Variants in FBXW10 observed in about 807,000 individuals in gnomAD.
The protein encoded by FBXW10 is F-box/WD repeat-containing protein 10.
Under a neutral mutation model 113.1 loss-of-function variants are expected in FBXW10, and 68 were observed. The observed-to-expected ratio is 0.60, with a 90% confidence interval of 0.49 to 0.74. FBXW10 has a LOEUF of 0.74. FBXW10 is among the 30% of genes least tolerant of loss of function. The pLI, the probability that FBXW10 is intolerant of heterozygous loss-of-function variation, is 0.00. For missense variants in FBXW10, 753 were observed against 1,284.5 expected (o/e 0.59, Z 6.32); for synonymous variants, 289 against 481.6 (o/e 0.60, Z 5.24).
At chr17:18,774,981 A>G (rs1417273874) in intron 12 of FBXW10, among the ~76,000 whole-genome samples, 155 bp from the exon 13 acceptor site, 6 of 152,346 alleles carry the variant, frequency 3.9e-5, no homozygotes, top group African/African-American at 1.4e-4. Flanking sequence ...CATGTACTCC[A>G]TAATTATGTA....
chr17:18,767,129 G>A (rs1310467813), intron 9 of FBXW10, among the ~76,000 whole-genome samples: 1 of 152,034 alleles, frequency 6.6e-6, no homozygotes, highest in Non-Finnish European at 1.5e-5. Flanking sequence ...ATGGGCTCAG[G>A]GCCTTCTAAC....
At chr17:18,760,863 C>T (rs1301058173) in intron 7 of FBXW10, among the ~76,000 whole-genome samples, 5 of 150,588 alleles carry the variant, frequency 3.3e-5, no homozygotes, top group African/African-American at 1.2e-4. Flanking sequence ...TGTGATTCTT[C>T]CCTCTTCTAG....
intron 11 of FBXW10, 66 bp downstream of exon 11, chr17:18,770,151 C>T: frequency 6.2e-7 from 1 of 1,603,404 alleles, no homozygotes; most frequent in Middle Eastern, 1.7e-4. Context: ...TTTTTTCCTC[C>T]CCTGGGATAC....
intron 13 of FBXW10, among the ~76,000 whole-genome samples, chr17:18,776,353 T>C (rs2035699098): frequency 6.6e-6 from 1 of 152,112 alleles, no homozygotes; most frequent in Non-Finnish European, 1.5e-5. Flanking sequence ...ACATCATGAC[T>C]CATGACTGGG....
chr17:18,767,862 C>A (rs1176217850), intron 9 of FBXW10, among the ~76,000 whole-genome samples: 1 of 152,136 alleles, frequency 6.6e-6, no homozygotes, highest in African/African-American at 2.4e-5. Context: ...CTGGCCCTCT[C>A]TAGTGCTCCA....
At chr17:18,751,533 C>T (rs2035172097) in intron 5 of FBXW10, among the ~76,000 whole-genome samples, 1 of 152,056 alleles carries the variant, frequency 6.6e-6, no homozygotes, top group African/African-American at 2.4e-5. Context: ...CTCAGCCCGA[C>T]ACTTCCTCTT....
rs931287502 is a variant in FBXW10, at chr17:18,748,004, C to T, written c.569C>T (p.Ala190Val). Residue 190 changes from alanine (A) to valine (V), a missense_variant, in exon 2 of 14, where the codon GCG (alanine) becomes GTG (valine). Physicochemically the swap from Ala to Val is moderately conservative, Grantham distance 64 (BLOSUM62 0). Transcript: ENST00000395665. The stretch of plus-strand genomic sequence containing the variant: ...GAGAAAGACCACAGCTCCAAGTCTG[C>T]GACCTCACAAGTCTATTGGACAGCC... ...SPEKDHSSKS[A>V]TSQVYWTAKT... 7 of 1,613,868 alleles carry T rather than the reference C, an allele frequency of 4.3e-6. No individual in the cohort carries two copies. Among genetic ancestry groups the T allele is most frequent in the Middle Eastern group, 1.7e-4 (1 of 6,056 alleles).
intron 12 of FBXW10, among the ~76,000 whole-genome samples, chr17:18,774,289 C>T (rs2035664849): frequency 6.6e-6 from 1 of 152,224 alleles, no homozygotes; most frequent in African/African-American, 2.4e-5. Context: ...AGGAAAACAG[C>T]TGCGCTATGT....
Position 18,768,563 on chromosome 17 carries a change from A to G in FBXW10, c.1734A>G (p.Lys578=), listed in dbSNP as rs1218249705. ...KTLSGHEGAV[K]CLFFDQWHLL... ...TCAGTGGCCATGAGGGAGCCGTGAA[A>G]TGCCTGTTCTTTGACCAGTGGCATC... The change falls in exon 10 of 14, where the codon AAA becomes AAG. Residue 578 remains lysine (K), a synonymous_variant. Transcript: ENST00000395665. 6.2e-7 allele frequency: 1 copy of G among 1,614,032 alleles called. No individual in the cohort carries two copies. The highest frequency in any genetic ancestry group is 1.3e-5 in the African/African-American group (1 of 75,004).
In FBXW10 at chr17:18,758,501, A is replaced by G. The variant is rs781083979; in HGVS notation, c.1429A>G (p.Ile477Val). 2.4e-5 allele frequency: 39 copies of G among 1,613,424 alleles called. 1 individual carries two copies. Among genetic ancestry groups the G allele is most frequent in the Non-Finnish European group, 6.8e-6 (8 of 1,179,774 alleles). ...FLLSGSYDLS[I>V]RYWDLKSGVC... Reference sequence around the variant, plus strand: ...CCTAAGCGGGAGCTATGACCTAAGTATCAGGTGAGGAGTCCAAAGGCATCA... The same window carrying G: ...CCTAAGCGGGAGCTATGACCTAAGTGTCAGGTGAGGAGTCCAAAGGCATCA... The change falls in exon 7 of 14, where the codon ATC becomes GTC. Residue 477 changes from isoleucine to valine, a missense_variant. By Grantham distance (29) the Ile-to-Val change is conservative (BLOSUM62 3). Coordinates refer to ENST00000395665, the MANE Select transcript of FBXW10 (RefSeq NM_001267585.2).
chr17:18,763,686 TAAAAAA>T (rs1229941129), intron 7 of FBXW10, among the ~76,000 whole-genome samples: 1 of 152,160 alleles, frequency 6.6e-6, no homozygotes, highest in Non-Finnish European at 1.5e-5. Context: ...GTGTTCTTGT[TAAAAAA>T]CAGATAATTC....
intron 5 of FBXW10, 75 bp downstream of exon 5, chr17:18,751,128 A>T: frequency 1.3e-6 from 2 of 1,591,798 alleles, no homozygotes; most frequent in Non-Finnish European, 1.7e-6. Context: ...TGAGGTCCAG[A>T]CTCAGCCCTG....
In FBXW10 at chr17:18,764,734, T is replaced by A; in HGVS notation, c.1434-8T>A. On this transcript the variant is annotated splice_region_variant and splice_polypyrimidine_tract_variant and intron_variant, in intron 7 of 13. Transcript: ENST00000395665. The stretch of plus-strand genomic sequence containing the variant: ...AACTCTCACATTCTTTTGGCCTGAT[T>A]CCTGCAGATACTGGGATCTGAAAAG... The A allele has an allele frequency of 6.2e-7, 1 of 1,613,768 alleles. No homozygotes were observed. The highest frequency in any genetic ancestry group is 8.5e-7 in the Non-Finnish European group (1 of 1,179,808).
Position 18,772,511 on chromosome 17 carries a change from G to C in FBXW10, c.2106G>C (p.Glu702Asp). 1 of 1,614,000 alleles carries C rather than the reference G, an allele frequency of 6.2e-7. No homozygotes were observed. ...VEKTKQKKNK[E>D]KEEEKEENSL... ...AAACGAAACAAAAGAAGAATAAGGA[G>C]AAAGAGGAGGAAAAAGAAGAAAATA... Residue 702 changes from glutamate to aspartate, a missense_variant, in exon 12 of 14, where the codon GAG (glutamate) becomes GAC (aspartate). Physicochemically the swap from Glu to Asp is conservative, Grantham distance 45. Coordinates refer to ENST00000395665, the MANE Select transcript of FBXW10 (RefSeq NM_001267585.2).
chr17:18,744,635 T>C lies in FBXW10; in HGVS notation c.391T>C (p.Trp131Arg), dbSNP rs765225589. 1 of 1,613,866 alleles carries C rather than the reference T, an allele frequency of 6.2e-7. No individual in the cohort carries two copies. Among genetic ancestry groups the C allele is most frequent in the African/African-American group, 1.3e-5 (1 of 74,922 alleles). ...GTACTGGTTTGCGAACAGCACCCAG[T>C]GGACCAAGGCGAATTATACTCTCTT... Reference protein sequence around the residue: ...ILYWFANSTQWTKANYTLLLL... With the variant: ...ILYWFANSTQRTKANYTLLLL... Residue 131 changes from tryptophan (W) to arginine (R), a missense_variant, in exon 1 of 14, where the codon TGG (tryptophan) becomes CGG (arginine). Transcript: ENST00000395665.
chr17:18,753,526 G>C (rs915563223), intron 5 of FBXW10, among the ~76,000 whole-genome samples: 1 of 152,066 alleles, frequency 6.6e-6, no homozygotes, highest in Non-Finnish European at 1.5e-5. Context: ...CCTGTTGACT[G>C]TCAAGCCACC....
At chr17:18,757,801 C>T (rs1462891365) in intron 6 of FBXW10, among the ~76,000 whole-genome samples, 4 of 152,186 alleles carry the variant, frequency 2.6e-5, no homozygotes, top group Non-Finnish European at 5.9e-5. Flanking sequence ...ACAATAAGCT[C>T]ATTGTAAGTA....
chr17:18,752,591 T>C (rs1406927669), intron 5 of FBXW10, among the ~76,000 whole-genome samples: 7 of 151,842 alleles, frequency 4.6e-5, no homozygotes, highest in Non-Finnish European at 8.8e-5. Context: ...GCAGTGCCTC[T>C]AGTCCCATCT....
At chr17:18,766,963 T>G in intron 9 of FBXW10, 101 bp downstream of exon 9, 1 of 1,207,164 alleles carries the variant, frequency 8.3e-7, no homozygotes, top group Non-Finnish European at 1.2e-6. Flanking sequence ...CAACTGAGTA[T>G]GACCTTCAAG....
Sources: gnomAD v4.1 joint callset for allele counts (sites outside exome capture counted in the v4.1 genomes callset) on GRCh38, gnomAD v4.1.1 for gene constraint, MANE v1.5 for transcripts, NCBI Gene and HGNC (gene_info 2026-07-23, HGNC 2026-07-21) for gene names.